Variants in WEE1 observed in about 807,000 individuals in gnomAD.
WEE1 encodes WEE1 G2 checkpoint kinase.
A neutral mutation model predicts 68.8 loss-of-function variants in WEE1; 16 were observed. That is an observed-to-expected ratio of 0.23 (90% CI 0.16 to 0.35). WEE1 has a LOEUF of 0.35. WEE1 is among the 10% of genes least tolerant of loss of function. WEE1 has a pLI of 1.00. For synonymous variants in WEE1, 349 were observed against 318.7 expected, an observed-to-expected ratio of 1.09 and a Z score of -1.01; for missense variants, 651 against 824.1, an observed-to-expected ratio of 0.79 and a Z score of 2.57.
intron 4 of WEE1, 89 bp from the exon 5 acceptor site, chr11:9,577,053 A>C: frequency 6.9e-7 from 1 of 1,450,088 alleles, no homozygotes; most frequent in Non-Finnish European, 9.2e-7. Context: ...GATACCAAAA[A>C]TTTATTGTAT....
intron 5 of WEE1, chr11:9,580,378 A>G (rs944973780): frequency 1.3e-5 from 2 of 152,138 alleles, no homozygotes; most frequent in African/African-American, 2.4e-5. Flanking sequence ...TTATTAGGCC[A>G]TAGTATGTAA....
intron 5 of WEE1, chr11:9,578,522 G>T (rs1456581544): frequency 1.3e-5 from 2 of 151,914 alleles, no homozygotes; most frequent in African/African-American, 2.4e-5. Context: ...ACAACCTTAT[G>T]GATTATTCTA....
At chr11:9,578,029 C>A in intron 5 of WEE1, 1 of 383,458 alleles carries the variant, frequency 2.6e-6, no homozygotes, top group South Asian at 2.0e-5. Flanking sequence ...TATTTCTCAA[C>A]ACTTTTGTAG....
rs199808779 is a variant in WEE1, at chr11:9,585,330, C to T, written c.1361C>T (p.Ser454Phe). 6.2e-7 allele frequency: 1 copy of T among 1,613,996 alleles called. No homozygotes were observed. Among genetic ancestry groups the T allele is most frequent in the Non-Finnish European group, 8.5e-7 (1 of 1,179,938 alleles). Residue 454 changes from serine (S) to phenylalanine (F), a missense_variant, in exon 7 of 11, where the codon TCC (serine) becomes TTC (phenylalanine). Ser to Phe is a radical substitution (Grantham distance 155, BLOSUM62 -2). This residue lies in a region of WEE1 where 82 missense variants were observed against 123.2 expected (regional missense o/e 0.67). Transcript: ENST00000450114. ...GAAGGAGACGAAGATGATTGGGCAT[C>T]CAACAAAGTTATGTTTAAAATAGGT... is the stretch of plus-strand genomic sequence containing the variant. ...SEEGDEDDWA[S>F]NKVMFKIGDL...
intron 6 of WEE1, among the ~76,000 whole-genome samples, chr11:9,583,800 CACATATATATATATATAT>C (rs1278463735): frequency 0.028 from 496 of 18,010 alleles, 1 homozygote; most frequent in Non-Finnish European, 0.041. Flanking sequence ...CACACACACA[CACATATATATATATATAT>C]ATATATATAT....
Position 9,589,476 on chromosome 11 carries a change from G to A in WEE1, c.*874G>A, listed in dbSNP as rs1849738884. Reference sequence around the variant, plus strand: ...TTATTAGTCTGTTTTTAAATGTTTTGCCCGGTTTTTCTCTTCAATATTTGT... The same window carrying A: ...TTATTAGTCTGTTTTTAAATGTTTTACCCGGTTTTTCTCTTCAATATTTGT... On this transcript the variant is annotated 3_prime_UTR_variant, in exon 11 of 11. Transcript: ENST00000450114. 6.1e-6 allele frequency: 6 copies of A among 984,832 alleles called. No individual in the cohort carries two copies. Among genetic ancestry groups the A allele is most frequent in the Non-Finnish European group, 7.2e-6 (6 of 829,788 alleles). 61.0% of individuals were successfully genotyped at this position (984,832 alleles called of 1,614,324 possible).
rs779127514 is a variant in WEE1, at chr11:9,574,375, G to A, written c.442G>A (p.Asp148Asn). ...GCCGGTGCGCTGCGGCGGCCCAGGAGATGCGTCGCCGCGGGGTTGCGGGGC... is the reference window on the plus strand; with the variant it reads ...GCCGGTGCGCTGCGGCGGCCCAGGAAATGCGTCGCCGCGGGGTTGCGGGGC... ...FSPVRCGGPG[D>N]ASPRGCGARR... is the part of the protein sequence containing the mutation. The change falls in exon 1 of 11, where the codon GAT becomes AAT. Residue 148 changes from aspartate to asparagine, a missense_variant. By Grantham distance (23) the Asp-to-Asn change is conservative. Transcript: ENST00000450114. The surrounding 1 kb of genome is among the most constrained non-coding windows in gnomAD (Gnocchi z 4.9). 339 of 1,225,074 alleles carry A rather than the reference G, an allele frequency of 2.8e-4. No individual in the cohort carries two copies. The highest frequency in any genetic ancestry group is 3.3e-4 in the Non-Finnish European group (323 of 986,000). 75.9% of individuals were successfully genotyped at this position (1,225,074 alleles called of 1,614,324 possible).
chr11:9,574,536 G>T lies in WEE1; in HGVS notation c.576+27G>T. The stretch of plus-strand genomic sequence containing the variant: ...TGAGAGCGGCGGGCGCGGGCACCCG[G>T]CGGCCGGGGCCGCGGCGCCGGAGGG... On this transcript the variant is annotated intron_variant, in intron 1 of 10. Transcript: ENST00000450114. This position sits in a 1 kb window ranked among gnomAD's most constrained non-coding sequence, Gnocchi z 4.9. 1 of 1,200,388 alleles carries T rather than the reference G, an allele frequency of 8.3e-7. No homozygotes were observed. The highest frequency in any genetic ancestry group is 1.0e-6 in the Non-Finnish European group (1 of 972,320). 74.4% of individuals were successfully genotyped at this position (1,200,388 alleles called of 1,614,324 possible).
chr11:9,578,879 T>TGTTATTTA (rs370532875), intron 5 of WEE1: 4 of 142,168 alleles, frequency 2.8e-5, no homozygotes, highest in African/African-American at 1.0e-4. Flanking sequence ...GAAAATAAGT[T>TGTTATTTA]TTTATTTATT....
At chr11:9,586,132 G>A (rs993529879) in intron 8 of WEE1, among the ~76,000 whole-genome samples, 2 of 152,068 alleles carry the variant, frequency 1.3e-5, no homozygotes, top group South Asian at 2.1e-4. Context: ...GTGTTTCTAC[G>A]TGTTTTGTGT....
rs1166091291 is a variant in WEE1, at chr11:9,583,755, GCGCGCGCACACACACACACACACA to G, written c.1289-1501_1289-1478del. ...TATTTGTGCGTGTGTGTGCGTGCAC[GCGCGCGCACACACACACACACACA>G]CACACACACACACACACACACACAT... On this transcript the variant is annotated intron_variant, in intron 6 of 10. Transcript: ENST00000450114. Among the ~76,000 whole-genome samples the G allele has an allele frequency of 3.4e-3, 30 of 8,736 alleles. 2 individuals carry two copies. Among genetic ancestry groups the G allele is most frequent in the African/African-American group, 9.1e-3 (26 of 2,870 alleles). The allele number at this position is 8,736 out of a possible 152,430, so 5.7% of individuals were successfully genotyped here. A position where few individuals can be genotyped will look rare whatever the true frequency, so the allele number is the denominator to read the frequency against.
At chr11:9,577,854 T>TA (rs1317335562) in intron 5 of WEE1, 1 of 456,248 alleles carries the variant, frequency 2.2e-6, no homozygotes, top group Non-Finnish European at 4.4e-6. Context: ...AACAGGCATG[T>TA]ATAGATTCAA....
intron 5 of WEE1, chr11:9,580,465 T>C (rs1424200804): frequency 7.0e-6 from 1 of 143,528 alleles, no homozygotes; most frequent in Non-Finnish European, 1.5e-5. Context: ...TTTCTTTCTT[T>C]TTTTTTTTTT....
chr11:9,583,798 CACACATATATATATATAT>C (rs1237020090), intron 6 of WEE1, among the ~76,000 whole-genome samples: 307 of 22,012 alleles, frequency 0.014, no homozygotes, highest in Admixed American at 0.034. Context: ...CACACACACA[CACACATATATATATATAT>C]ATATATATAT....
At chr11:9,575,766 G>T (rs1243982626) in intron 1 of WEE1, 122 bp from the exon 2 acceptor site, 2 of 767,794 alleles carry the variant, frequency 2.6e-6, no homozygotes, top group African/African-American at 1.8e-5. Context: ...CTCTAACAAA[G>T]GCTTGTGTGT....
intron 6 of WEE1, among the ~76,000 whole-genome samples, chr11:9,583,784 CACACACACACACACACACATAT>C (rs1849662063): frequency 3.1e-5 from 1 of 32,454 alleles, no homozygotes; most frequent in East Asian, 5.6e-4. Flanking sequence ...CACACACACA[CACACACACACACACACACATAT>C]ATATATATAT....
Position 9,576,315 on chromosome 11 carries a change from T to C in WEE1, c.846+22T>C, listed in dbSNP as rs755829944. The C allele has an allele frequency of 6.6e-7, 1 of 1,525,120 alleles. No homozygotes were observed. The highest frequency in any genetic ancestry group is 2.5e-5 in the East Asian group (1 of 40,744). The allele number at this position is 1,525,120 out of a possible 1,614,324, so 94.5% of individuals were successfully genotyped here. ...TAAGGTAAATAGCTTTTTATTTTTA[T>C]TTTTTTGAAATTTACTTTTCTGCCA... On this transcript the variant is annotated intron_variant, in intron 3 of 10. Transcript: ENST00000450114. The surrounding 1 kb of genome is among the most constrained non-coding windows in gnomAD (Gnocchi z 4.3).
chr11:9,579,311 C>A (rs1849598588), intron 5 of WEE1: 1 of 152,206 alleles, frequency 6.6e-6, no homozygotes, highest in African/African-American at 2.4e-5. Context: ...GTCCACCGTT[C>A]CTCTCTCCAC....
chr11:9,582,585 G>A (rs1292069558), intron 6 of WEE1, among the ~76,000 whole-genome samples: 1 of 151,110 alleles, frequency 6.6e-6, no homozygotes, highest in African/African-American at 2.4e-5. Context: ...TTCTTTTTTT[G>A]AGATGGAGTC....
Sources: gnomAD v4.1 joint callset for allele counts (sites outside exome capture counted in the v4.1 genomes callset) on GRCh38, gnomAD v4.1.1 for gene constraint, gnomAD v4.1.1 regional missense constraint, Gnocchi (gnomAD v3.1) non-coding constraint, MANE v1.5 for transcripts, NCBI Gene and HGNC (gene_info 2026-07-23, HGNC 2026-07-21) for gene names.